The following CPOX variants were observed in gnomAD, a reference collection of about 807,000 sequenced individuals.
The protein encoded by CPOX is oxygen-dependent coproporphyrinogen-III oxidase, mitochondrial.
In CPOX, 24 loss-of-function variants were observed where a neutral mutation model predicts 48.9. That is an observed-to-expected ratio of 0.49 (90% CI 0.36 to 0.69). The LOEUF (loss-of-function observed/expected upper bound fraction) is 0.69. Among genes scored for constraint, CPOX ranks in the 30% least tolerant of loss-of-function variants. The pLI, the probability that CPOX is intolerant of heterozygous loss-of-function variation, is 0.00. For missense variants in CPOX, 549 were observed against 597.3 expected (o/e 0.92, Z 0.84); for synonymous variants, 249 against 234.6 (o/e 1.06, Z -0.56).
intron 5 of CPOX, among the ~76,000 whole-genome samples, chr3:98,584,394 T>C (rs1707318073): frequency 6.6e-6 from 1 of 152,196 alleles, no homozygotes; most frequent in South Asian, 2.1e-4. Context: ...AAAAAACATG[T>C]TCCAAAATAC....
chr3:98,590,887 G>T, intron 2 of CPOX, 125 bp downstream of exon 2: 2 of 1,267,814 alleles, frequency 1.6e-6, no homozygotes, highest in Non-Finnish European at 2.3e-6. Context: ...AAAAGTATTT[G>T]TCAACGTGCG....
intron 4 of CPOX, chr3:98,585,880 T>C: frequency 3.0e-6 from 1 of 330,590 alleles, no homozygotes; most frequent in Non-Finnish European, 5.7e-6. Context: ...TTTTCTTTTC[T>C]TTTTTTTTTT....
intron 4 of CPOX, among the ~76,000 whole-genome samples, chr3:98,588,226 C>CTTTTG (rs1172746611): frequency 1.5e-5 from 1 of 66,774 alleles, no homozygotes; most frequent in East Asian, 4.8e-4. Context: ...CTTCTCCCAA[C>CTTTTG]TTTTGTTTGT....
In CPOX at chr3:98,580,549, G is replaced by C; in HGVS notation, c.*134C>G. 6.6e-7 allele frequency: 1 copy of C among 1,522,604 alleles called. No homozygotes were observed. The highest frequency in any genetic ancestry group is 8.8e-7 in the Non-Finnish European group (1 of 1,135,230). 94.3% of individuals were successfully genotyped at this position (1,522,604 alleles called of 1,614,324 possible). On this transcript the variant is annotated 3_prime_UTR_variant, in exon 7 of 7. Coordinates refer to ENST00000647941, the MANE Select transcript of CPOX (RefSeq NM_000097.7). The stretch of plus-strand genomic sequence containing the variant: ...CAGCATCCAAAACATGTTATCATCT[G>C]CCCACGAGGTAGGGTGCAGAGTGGA...
At chr3:98,588,888 C>A in intron 3 of CPOX, 34 bp from the exon 4 acceptor site, 1 of 1,613,394 alleles carries the variant, frequency 6.2e-7, no homozygotes, top group African/African-American at 1.3e-5. Context: ...CTAATGTGGA[C>A]TTTTGAGATT....
At chr3:98,588,948 C>T (rs1159930599) in intron 3 of CPOX, 94 bp from the exon 4 acceptor site, 19 of 1,442,890 alleles carry the variant, frequency 1.3e-5, no homozygotes, top group Non-Finnish European at 1.6e-5. Context: ...TTAATTTTTT[C>T]AGCATAAAAT....
intron 4 of CPOX, among the ~76,000 whole-genome samples, chr3:98,588,333 T>A (rs1707406534): frequency 6.6e-6 from 1 of 152,208 alleles, no homozygotes; most frequent in African/African-American, 2.4e-5. Flanking sequence ...CCTCTAGTGG[T>A]TCTCCAACCC....
At position 98,585,446 on chromosome 3, in the gene CPOX, T is replaced by C. The variant is rs759743280; in HGVS notation, c.1167A>G (p.Arg389=). Residue 389 remains arginine, a synonymous_variant, in exon 5 of 7, where the codon AGA becomes AGG. Transcript: ENST00000647941. ...PQEKLWQQLR[R]GRYVEFNLLY... Reference sequence around the variant, plus strand: ...TTCGTTTTCCAGTCACTTACCGTCCTCTTCTGAGCTGCTGCCACAGCTTCT... The same window carrying C: ...TTCGTTTTCCAGTCACTTACCGTCCCCTTCTGAGCTGCTGCCACAGCTTCT... 6.2e-7 allele frequency: 1 copy of C among 1,613,854 alleles called. No homozygotes were observed. The highest frequency in any genetic ancestry group is 8.5e-7 in the Non-Finnish European group (1 of 1,179,902).
chr3:98,589,331 T>TAAAAC (rs954530396), intron 3 of CPOX, among the ~76,000 whole-genome samples: 1 of 150,068 alleles, frequency 6.7e-6, no homozygotes, highest in African/African-American at 2.5e-5. Flanking sequence ...AAAAACAAAA[T>TAAAAC]AAAACAAAAC....
downstream of CPOX, among the ~76,000 whole-genome samples, chr3:98,579,255 C>T (rs1707206565): frequency 6.6e-6 from 1 of 152,158 alleles, no homozygotes; most frequent in Admixed American, 6.5e-5. Flanking sequence ...TGTTATTGGT[C>T]AGGCTACCAG....
chr3:98,583,692 T>C (rs1051305514), intron 5 of CPOX, among the ~76,000 whole-genome samples: 1 of 152,186 alleles, frequency 6.6e-6, no homozygotes, highest in Non-Finnish European at 1.5e-5. Context: ...AATAAGAGAC[T>C]GTAAAGTCAA....
At chr3:98,589,938 T>C (rs189667446) in intron 3 of CPOX, among the ~76,000 whole-genome samples, 87 of 152,344 alleles carry the variant, frequency 5.7e-4, no homozygotes, top group African/African-American at 2.0e-3. Flanking sequence ...GCTAATGCCC[T>C]GGTGACTAGC....
chr3:98,570,761 A>G, the CPOX span, among the ~76,000 whole-genome samples: 3,764 of 152,336 alleles, frequency 0.025, 116 homozygotes, highest in African/African-American at 0.08. Flanking sequence ...GGCCACTTGT[A>G]TATCAGAATC....
intron 6 of CPOX, 36 bp downstream of exon 6, chr3:98,581,371 T>G (rs769565907): frequency 7.1e-7 from 1 of 1,415,196 alleles, no homozygotes. Context: ...GAATTGGGAG[T>G]GTAGGGATAA....
chr3:98,593,231 C>T lies in CPOX; in HGVS notation c.274G>A (p.Ala92Thr). 1.9e-6 allele frequency: 3 copies of T among 1,551,088 alleles called. No individual in the cohort carries two copies. The highest frequency in any genetic ancestry group is 1.7e-6 in the Non-Finnish European group (2 of 1,150,640). The change falls in exon 1 of 7, where the codon GCC (alanine) becomes ACC (threonine). Residue 92 changes from alanine to threonine, a missense_variant. Physicochemically the swap from Ala to Thr is moderately conservative, Grantham distance 58 (BLOSUM62 0). Coordinates refer to ENST00000647941, the MANE Select transcript of CPOX (RefSeq NM_000097.7). ...LAGLVGLATA[A>T]FGHVQRAEML... Reference sequence around the variant, plus strand: ...TCCGCCCGCTGCACATGCCCGAAGGCGGCGGTGGCCAGCCCCACCAACCCC... The same window carrying T: ...TCCGCCCGCTGCACATGCCCGAAGGTGGCGGTGGCCAGCCCCACCAACCCC...
rs1373985832 is a variant in CPOX at position 98,580,072 on chromosome 3, C to T, written c.*611G>A. The T allele has an allele frequency of 3.1e-6, 3 of 976,674 alleles. No homozygotes were observed. Among genetic ancestry groups the T allele is most frequent in the Non-Finnish European group, 3.6e-6 (3 of 825,422 alleles). 60.5% of individuals were successfully genotyped at this position (976,674 alleles called of 1,614,324 possible). ...ATGTCACTTTAGAGTTTACAAACTACAGAAATAACTGAATTGTAACACATG... is the reference window on the plus strand; with the variant it reads ...ATGTCACTTTAGAGTTTACAAACTATAGAAATAACTGAATTGTAACACATG... On this transcript the variant is annotated 3_prime_UTR_variant, in exon 7 of 7. Transcript: ENST00000647941.
chr3:98,589,167 C>G (rs186463020), intron 3 of CPOX, among the ~76,000 whole-genome samples: 80 of 152,092 alleles, frequency 5.3e-4, no homozygotes, highest in African/African-American at 1.9e-3. Flanking sequence ...ACTAAAAATA[C>G]AAAACATAGC....
intron 5 of CPOX, among the ~76,000 whole-genome samples, chr3:98,584,088 A>C (rs3804623): frequency 0.39 from 59,189 of 152,082 alleles, 12,664 homozygotes; most frequent in East Asian, 0.57. Context: ...CCGCAAAACA[A>C]ACCATTACTC....
chr3:98,586,530 T>A (rs1272051015), intron 4 of CPOX, among the ~76,000 whole-genome samples: 1 of 152,192 alleles, frequency 6.6e-6, no homozygotes, highest in Non-Finnish European at 1.5e-5. Flanking sequence ...GATGATATCT[T>A]TTATTATTTC....
Sources: gnomAD v4.1 joint callset for allele counts (sites outside exome capture counted in the v4.1 genomes callset) on GRCh38, gnomAD v4.1.1 for gene constraint, MANE v1.5 for transcripts, NCBI Gene and HGNC (gene_info 2026-07-23, HGNC 2026-07-21) for gene names.